IPO11: variants seen among roughly 807,000 people sequenced by gnomAD.
IPO11 encodes importin 11, also known as importin-11.
In IPO11, 66 loss-of-function variants were observed where a neutral mutation model predicts 143.2. The observed-to-expected ratio is 0.46, with a 90% CI of 0.38 to 0.57. The LOEUF is 0.57. Ranked by LOEUF, IPO11 falls within the 20% of genes least tolerant of loss-of-function variation. The probability of loss-of-function intolerance (pLI) is 0.00; values close to 1 mark genes in which losing one functional copy is unlikely to be tolerated. For synonymous variants in IPO11, 385 were observed against 377.8 expected (o/e 1.02, Z -0.22); for missense variants, 1,026 against 1,141.0 (o/e 0.90, Z 1.45).
At chr5:62,504,568 A>C in intron 16 of IPO11, 99 bp from the exon 17 acceptor site, 2 of 667,980 alleles carry the variant, frequency 3.0e-6, no homozygotes, top group Non-Finnish European at 5.2e-6. Context: ...AATAATAATA[A>C]GAGTACAGAA....
At position 62,627,254 on chromosome 5, in the gene IPO11, C is replaced by G; in HGVS notation, c.2864C>G (p.Ser955Cys). ...ATGCTAGGAGAACAAGGTTTCCAGT[C>G]CCTCATGGAAACAGTGGATACGGAG... ...QEMLGEQGFQ[S>C]LMETVDTEIV... Residue 955 changes from serine (S) to cysteine (C), a missense_variant, in exon 30 of 30, where the codon TCC becomes TGC. This residue lies in a region of IPO11 where 351 missense variants were observed against 358.9 expected (regional missense o/e 0.98). Coordinates refer to ENST00000325324, the MANE Select transcript of IPO11 (RefSeq NM_016338.5). 4 of 1,614,028 alleles carry G rather than the reference C, an allele frequency of 2.5e-6. No individual in the cohort carries two copies. Among genetic ancestry groups the G allele is most frequent in the Non-Finnish European group, 3.4e-6 (4 of 1,179,982 alleles).
At chr5:62,555,479 A>ATTATTTATTTATTTATTTATTTAT (rs138722983) in intron 26 of IPO11, among the ~76,000 whole-genome samples, 3 of 137,188 alleles carry the variant, frequency 2.2e-5, no homozygotes, top group African/African-American at 8.3e-5. Flanking sequence ...CACCTGGCTA[A>ATTATTTATTTATTTATTTATTTAT]TTATTTATTT....
chr5:62,435,560 A>G (rs1008629043), intron 1 of IPO11, among the ~76,000 whole-genome samples: 5 of 152,016 alleles, frequency 3.3e-5, no homozygotes, highest in African/African-American at 1.2e-4. Flanking sequence ...ACTGTGTTAC[A>G]GCCTGGGTGA....
intron 16 of IPO11, among the ~76,000 whole-genome samples, chr5:62,495,116 A>G (rs1210300447): frequency 6.6e-6 from 1 of 152,238 alleles, no homozygotes; most frequent in African/African-American, 2.4e-5. Flanking sequence ...TGGATTTTCT[A>G]CCTAAGTATT....
At chr5:62,613,127 T>C (rs1354926103) in intron 29 of IPO11, among the ~76,000 whole-genome samples, 1 of 152,070 alleles carries the variant, frequency 6.6e-6, no homozygotes, top group African/African-American at 2.4e-5. Context: ...TTTAGATGTT[T>C]ATAGCTCATT....
Position 62,441,496 on chromosome 5 carries a change from C to CTTTT in IPO11, c.139-1456_139-1453dup, listed in dbSNP as rs995019567. 5.9e-4 allele frequency among the ~76,000 whole-genome samples: 28 copies of CTTTT among 47,378 alleles called. 2 individuals carry two copies. Among genetic ancestry groups the CTTTT allele is most frequent in the East Asian group, 2.6e-3 (3 of 1,172 alleles). 31.1% of individuals were successfully genotyped at this position (47,378 alleles called of 152,430 possible). A position where few individuals can be genotyped will look rare whatever the true frequency, so the allele number is the denominator to read the frequency against. On this transcript the variant is annotated intron_variant, in intron 2 of 29. Coordinates refer to ENST00000325324, the MANE Select transcript of IPO11 (RefSeq NM_016338.5). ...ACAGGCATGAGCCACTGTGCCTGGC[C>CTTTT]TTTTTTTTTTTTTTTTTTTTTTTTT...
intron 1 of IPO11, among the ~76,000 whole-genome samples, chr5:62,420,320 A>T (rs1382743150): frequency 6.6e-6 from 1 of 151,428 alleles, no homozygotes; most frequent in African/African-American, 2.4e-5. Flanking sequence ...AGTATAATGT[A>T]GTAAATGCAT....
In IPO11 at chr5:62,551,276, A is replaced by G. The variant is rs61748228; in HGVS notation, c.2400A>G (p.Leu800=). The stretch of plus-strand genomic sequence containing the variant: ...TTGGAGTTATGGGTCGAGTTCTACT[A>G]CAAAACACTAGTTTTTTTTCTTCAC... ...TYLGVMGRVL[L]QNTSFFSSLL... is the part of the protein sequence containing the mutation. The change falls in exon 26 of 30, where the codon CTA becomes CTG. Residue 800 remains leucine (L), a synonymous_variant. Coordinates refer to ENST00000325324, the MANE Select transcript of IPO11 (RefSeq NM_016338.5). 9.8e-3 allele frequency: 15,844 copies of G among 1,610,598 alleles called. 90 individuals are homozygous for G. The highest frequency in any genetic ancestry group is 0.012 in the Non-Finnish European group (13,965 of 1,177,908).
intron 27 of IPO11, chr5:62,579,333 T>C (rs1453639293): frequency 2.1e-6 from 2 of 961,082 alleles, no homozygotes; most frequent in African/African-American, 1.6e-5. Flanking sequence ...ACAGAAGTTA[T>C]AGTATTATAA....
chr5:62,487,695 T>C, intron 12 of IPO11, 76 bp from the exon 13 acceptor site: 1 of 1,280,340 alleles, frequency 7.8e-7, no homozygotes, highest in East Asian at 2.8e-5. Flanking sequence ...TAAGATTAAG[T>C]ATTTGCTTTA....
chr5:62,494,920 C>A (rs1019045593), intron 16 of IPO11, among the ~76,000 whole-genome samples: 2 of 152,010 alleles, frequency 1.3e-5, no homozygotes, highest in African/African-American at 4.8e-5. Flanking sequence ...CTTTACCCCC[C>A]CAAATTTTAT....
At chr5:62,624,733 C>T (rs916400083) in intron 29 of IPO11, among the ~76,000 whole-genome samples, 15 of 152,000 alleles carry the variant, frequency 9.9e-5, no homozygotes, top group African/African-American at 3.6e-4. Context: ...GCCTGTAATC[C>T]CAGCACTTTG....
intron 27 of IPO11, chr5:62,562,167 T>C (rs1457812828): frequency 6.6e-6 from 1 of 152,338 alleles, no homozygotes; most frequent in East Asian, 1.9e-4. Flanking sequence ...GTCACCACCT[T>C]GTTGATGGCA....
At chr5:62,581,972 A>G (rs1337985920) in intron 27 of IPO11, among the ~76,000 whole-genome samples, 1 of 152,172 alleles carries the variant, frequency 6.6e-6, no homozygotes, top group Non-Finnish European at 1.5e-5. Flanking sequence ...CAGAGGGGTT[A>G]ACAGAAGAAA....
chr5:62,568,560 C>G (rs1292500361), intron 27 of IPO11, among the ~76,000 whole-genome samples: 4 of 63,710 alleles, frequency 6.3e-5, no homozygotes, highest in Admixed American at 5.5e-4. Context: ...GGCGACAGAG[C>G]AAGACTCTGT....
At chr5:62,567,898 A>G (rs751238575) in intron 27 of IPO11, among the ~76,000 whole-genome samples, 1 of 150,570 alleles carries the variant, frequency 6.6e-6, no homozygotes, top group African/African-American at 2.4e-5. Flanking sequence ...TAGATCTCGT[A>G]AGCCTTATTC....
chr5:62,540,551 T>C (rs1248878572), intron 24 of IPO11, among the ~76,000 whole-genome samples: 1 of 152,210 alleles, frequency 6.6e-6, no homozygotes, highest in Non-Finnish European at 1.5e-5. Flanking sequence ...TGTTTTTAAT[T>C]ATACTCTTAC....
chr5:62,537,841 A>G (rs1742787895), intron 24 of IPO11, among the ~76,000 whole-genome samples: 1 of 152,000 alleles, frequency 6.6e-6, no homozygotes, highest in South Asian at 2.1e-4. Flanking sequence ...AAATGTATAT[A>G]TTTACATATA....
At chr5:62,474,304 C>A in intron 7 of IPO11, 112 bp from the exon 8 acceptor site, 1 of 614,994 alleles carries the variant, frequency 1.6e-6, no homozygotes, top group Non-Finnish European at 2.7e-6. Context: ...TATTTTTCTT[C>A]GGCTAATTTT....
Sources: gnomAD v4.1 joint callset for allele counts (sites outside exome capture counted in the v4.1 genomes callset) on GRCh38, gnomAD v4.1.1 for gene constraint, gnomAD v4.1.1 regional missense constraint, MANE v1.5 for transcripts, NCBI Gene and HGNC (gene_info 2026-07-23, HGNC 2026-07-21) for gene names.